ZNF625: variants seen among roughly 807,000 people sequenced by gnomAD.
ZNF625 encodes the protein zinc finger protein 625.
A neutral mutation model predicts 11.1 loss-of-function variants in ZNF625; 8 were observed. The observed-to-expected ratio is 0.72, with a 90% CI of 0.42 to 1.30. The LOEUF is 1.30. ZNF625 is among the 50% of genes most tolerant of loss of function. The pLI, the probability that ZNF625 is intolerant of heterozygous loss-of-function variation, is 0.01. For missense variants in ZNF625, 349 were observed against 447.6 expected, an observed-to-expected ratio of 0.78 and a Z score of 1.99; for synonymous variants, 145 against 153.4, an observed-to-expected ratio of 0.95 and a Z score of 0.41.
intron 1 of ZNF625, among the ~76,000 whole-genome samples, chr19:12,156,168 G>C (rs1312441666): frequency 6.6e-6 from 1 of 152,144 alleles, no homozygotes; most frequent in African/African-American, 2.4e-5. Flanking sequence ...AGGAAAAAAG[G>C]GGGGACTGGG....
chr19:12,147,278 T>G, intron 3 of ZNF625, 117 bp downstream of exon 3: 1 of 1,000,398 alleles, frequency 1.0e-6, no homozygotes, highest in Non-Finnish European at 1.4e-6. Flanking sequence ...TAGAGAAAAT[T>G]TTGTAAGAAT....
intron 1 of ZNF625, among the ~76,000 whole-genome samples, chr19:12,153,981 G>T (rs1249369246): frequency 6.6e-6 from 1 of 151,116 alleles, no homozygotes; most frequent in Non-Finnish European, 1.5e-5. Flanking sequence ...CTAATTTTTT[G>T]TATTTTTAGT....
chr19:12,153,541 G>A (rs1161119664), intron 1 of ZNF625, among the ~76,000 whole-genome samples: 17 of 151,258 alleles, frequency 1.1e-4, no homozygotes, highest in Admixed American at 7.9e-4. Context: ...AAAAATTGCC[G>A]GGTATGGTGG....
chr19:12,153,831 G>A lies in ZNF625; in HGVS notation c.3+2725C>T, dbSNP rs189332324. On this transcript the variant is annotated intron_variant, in intron 1 of 3. Coordinates refer to ENST00000439556, the MANE Select transcript of ZNF625 (RefSeq NM_145233.4). ...TTTTTTTTTTTTTTTTTTTTGAGACGGAGTCTTGCTCTGTCCCCCAGGCTG... is the reference window on the plus strand; with the variant it reads ...TTTTTTTTTTTTTTTTTTTTGAGACAGAGTCTTGCTCTGTCCCCCAGGCTG... 7.2e-3 allele frequency among the ~76,000 whole-genome samples: 895 copies of A among 123,916 alleles called. 7 individuals are homozygous for A. Among genetic ancestry groups the A allele is most frequent in the African/African-American group, 0.027 (853 of 31,846 alleles). The allele number at this position is 123,916 out of a possible 152,430, so 81.3% of individuals were successfully genotyped here.
At chr19:12,149,930 G>A (rs1303009710) in intron 1 of ZNF625, among the ~76,000 whole-genome samples, 1 of 152,060 alleles carries the variant, frequency 6.6e-6, no homozygotes, top group Non-Finnish European at 1.5e-5. Context: ...GTAGAGACAG[G>A]GTTTCTCCAT....
Position 12,145,410 on chromosome 19 carries a change from A to G in ZNF625, c.1006T>C (p.Cys336Arg), listed in dbSNP as rs1486214817. ...GAGGCACATCCAAAGGCTTTACCAC[A>G]TTGTTTACATTCATAGGGTTTCTCT... ...TGEKPYECKQ[C>R]GKAFGCASSV... The change falls in exon 4 of 4, where the codon TGT becomes CGT. Residue 336 changes from cysteine to arginine, a missense_variant. Cys to Arg is a radical substitution (Grantham distance 180). Coordinates refer to ENST00000439556, the MANE Select transcript of ZNF625 (RefSeq NM_145233.4). 5 of 1,614,006 alleles carry G rather than the reference A, an allele frequency of 3.1e-6. No homozygotes were observed. The highest frequency in any genetic ancestry group is 2.2e-5 in the East Asian group (1 of 44,892).
At chr19:12,150,304 G>T (rs1461532843) in intron 1 of ZNF625, among the ~76,000 whole-genome samples, 1 of 152,130 alleles carries the variant, frequency 6.6e-6, no homozygotes, top group Non-Finnish European at 1.5e-5. Flanking sequence ...CCATGAAAAG[G>T]TAGCTGTGGG....
chr19:12,145,201 G>C lies in ZNF625; in HGVS notation c.*96C>G. ...ATGCTGTCAAATGACAGTGACTGCA[G>C]AAGCTTCAGAATAATTTTGCGATGG... On this transcript the variant is annotated 3_prime_UTR_variant, in exon 4 of 4. Coordinates refer to ENST00000439556, the MANE Select transcript of ZNF625 (RefSeq NM_145233.4). 7.4e-7 allele frequency: 1 copy of C among 1,359,738 alleles called. No individual in the cohort carries two copies. The highest frequency in any genetic ancestry group is 1.0e-6 in the Non-Finnish European group (1 of 998,118). 84.2% of individuals were successfully genotyped at this position (1,359,738 alleles called of 1,614,324 possible).
chr19:12,156,039 T>C (rs529135325), intron 1 of ZNF625, among the ~76,000 whole-genome samples: 1 of 152,266 alleles, frequency 6.6e-6, no homozygotes, highest in African/African-American at 2.4e-5. Flanking sequence ...TTATTTTTAA[T>C]AGAAACTAGG....
intron 1 of ZNF625, among the ~76,000 whole-genome samples, chr19:12,154,973 T>TGGGAGGCGGA (rs566085002): frequency 1.3e-5 from 2 of 152,086 alleles, no homozygotes; most frequent in Admixed American, 6.6e-5. Flanking sequence ...CCTAGCACTT[T>TGGGAGGCGGA]GGGAGGCGGA....
At position 12,153,439 on chromosome 19, in the gene ZNF625, TTTTG is replaced by T. The variant is rs1976984119; in HGVS notation, c.3+3113_3+3116del. On this transcript the variant is annotated intron_variant, in intron 1 of 3. Coordinates refer to ENST00000439556, the MANE Select transcript of ZNF625 (RefSeq NM_145233.4). ...AGTAGTTCATGCCTGTAATCCGGCA[TTTTG>T]GGAAGCCAAGGCGGGTGGATCACCT... 2.7e-5 allele frequency among the ~76,000 whole-genome samples: 4 copies of T among 150,272 alleles called. 1 individual carries two copies. In the South Asian group the frequency reaches 8.5e-4, roughly 32 times the overall value.
At position 12,145,196 on chromosome 19, in the gene ZNF625, C is replaced by G. The variant is rs1253254818; in HGVS notation, c.*101G>C. Reference sequence around the variant, plus strand: ...TCTGAATGCTGTCAAATGACAGTGACTGCAGAAGCTTCAGAATAATTTTGC... The same window carrying G: ...TCTGAATGCTGTCAAATGACAGTGAGTGCAGAAGCTTCAGAATAATTTTGC... On this transcript the variant is annotated 3_prime_UTR_variant, in exon 4 of 4. Transcript: ENST00000439556. 5.2e-6 allele frequency: 7 copies of G among 1,345,724 alleles called. No individual in the cohort carries two copies. In the East Asian group the frequency reaches 1.6e-4, roughly 31 times the overall value. 83.4% of individuals were successfully genotyped at this position (1,345,724 alleles called of 1,614,324 possible).
At chr19:12,151,584 T>C (rs1976956872) in intron 1 of ZNF625, among the ~76,000 whole-genome samples, 1 of 152,014 alleles carries the variant, frequency 6.6e-6, no homozygotes, top group Admixed American at 6.6e-5. Context: ...TTTCACCGTG[T>C]TAGCCAAGAT....
At chr19:12,147,556 C>T in intron 2 of ZNF625, 101 bp from the exon 3 acceptor site, 1 of 1,548,340 alleles carries the variant, frequency 6.5e-7, no homozygotes, top group Non-Finnish European at 8.8e-7. Context: ...AGCATTTATT[C>T]ACATTCCTAT....
Position 12,145,234 on chromosome 19 carries a change from GATTTGAGGGAAACA to G in ZNF625, c.*49_*62del, listed in dbSNP as rs999576782. 65 of 1,485,886 alleles carry G rather than the reference GATTTGAGGGAAACA, an allele frequency of 4.4e-5. No homozygotes were observed. The African/African-American group carries it at 8.8e-4, about 20-fold the overall frequency. 92.0% of individuals were successfully genotyped at this position (1,485,886 alleles called of 1,614,324 possible). A position where few individuals can be genotyped will look rare whatever the true frequency, so the allele number is the denominator to read the frequency against. On this transcript the variant is annotated 3_prime_UTR_variant, in exon 4 of 4. Transcript: ENST00000439556. Reference sequence around the variant, plus strand: ...AGAATAATTTTGCGATGGTTCCCATGATTTGAGGGAAACACATTTTTACCATGATTGGATTCGGT... The same window carrying G: ...AGAATAATTTTGCGATGGTTCCCATGCATTTTTACCATGATTGGATTCGGT...
Position 12,150,712 on chromosome 19 carries a change from C to T in ZNF625, c.4-2910G>A, listed in dbSNP as rs1469609498. Among the ~76,000 whole-genome samples the T allele has an allele frequency of 2.6e-5, 4 of 152,290 alleles. No homozygotes were observed. In the South Asian group the frequency reaches 6.2e-4, roughly 24 times the overall value. ...ACAGGGACTTAGACTTGAAACCCTG[C>T]TTCACAAGTCTGGAATGCATAGGGG... On this transcript the variant is annotated intron_variant, in intron 1 of 3. Transcript: ENST00000439556.
At position 12,147,386 on chromosome 19, in the gene ZNF625, G is replaced by A; in HGVS notation, c.191+9C>T. The A allele has an allele frequency of 6.6e-7, 1 of 1,523,686 alleles. No homozygotes were observed. The highest frequency in any genetic ancestry group is 8.8e-7 in the Non-Finnish European group (1 of 1,139,048). The allele number at this position is 1,523,686 out of a possible 1,614,324, so 94.4% of individuals were successfully genotyped here. ...AGAGACATCACTTTCTCTTGTGAAT[G>A]CGAATTACCTTAGGTTTCTCCTGGG... On this transcript the variant is annotated intron_variant, in intron 3 of 3. Coordinates refer to ENST00000439556, the MANE Select transcript of ZNF625 (RefSeq NM_145233.4).
rs942359698 is a variant in ZNF625, at chr19:12,145,127, AACT to A, written c.*167_*169del. The A allele has an allele frequency of 4.0e-5, 29 of 728,738 alleles. No homozygotes were observed. Among genetic ancestry groups the A allele is most frequent in the Middle Eastern group, 2.5e-4 (1 of 4,048 alleles). The allele number at this position is 728,738 out of a possible 1,614,324, so 45.1% of individuals were successfully genotyped here. ...AGGTATCTGAGTGAGGCCCCAGCTA[AACT>A]ACTCCCAAAAATTTTTGCTCCTGGG... On this transcript the variant is annotated 3_prime_UTR_variant, in exon 4 of 4. Transcript: ENST00000439556.
chr19:12,156,570 C>A lies in ZNF625; in HGVS notation c.-12G>T. On this transcript the variant is annotated 5_prime_UTR_variant, in exon 1 of 4. Coordinates refer to ENST00000439556, the MANE Select transcript of ZNF625 (RefSeq NM_145233.4). ...CGCACACTCACCATTTCCCGGCTTC[C>A]AGGTGTCCTGGCCTCCTCTCCACGG... 1 of 1,413,094 alleles carries A rather than the reference C, an allele frequency of 7.1e-7. No individual in the cohort carries two copies. The allele number at this position is 1,413,094 out of a possible 1,614,324, so 87.5% of individuals were successfully genotyped here.
Sources: allele counts gnomAD v4.1 joint callset (sites outside exome capture counted in the v4.1 genomes callset), GRCh38; gene constraint gnomAD v4.1.1; transcripts MANE v1.5; gene names NCBI Gene and HGNC (gene_info 2026-07-23, HGNC 2026-07-21).